CFAP46: variants seen among roughly 807,000 people sequenced by gnomAD.
CFAP46 encodes the protein cilia- and flagella-associated protein 46.
Under a neutral mutation model 325.7 loss-of-function variants are expected in CFAP46, and 245 were observed. The observed-to-expected ratio is 0.75, with a 90% CI of 0.68 to 0.84. The LOEUF (loss-of-function observed/expected upper bound fraction) is 0.84. Ranked by LOEUF, CFAP46 falls within the 40% of genes least tolerant of loss-of-function variation. CFAP46 has a pLI of 0.00. For synonymous variants in CFAP46, 1,523 were observed against 1,495.9 expected (o/e 1.02, Z -0.42); for missense variants, 3,346 against 3,543.0 (o/e 0.94, Z 1.41).
chr10:132,881,366 C>A (rs377592220), intron 27 of CFAP46, among the ~76,000 whole-genome samples: 2 of 152,144 alleles, frequency 1.3e-5, no homozygotes, highest in Non-Finnish European at 2.9e-5. Flanking sequence ...GGACAGGGGT[C>A]CTGCTGTCGC....
intron 19 of CFAP46, 146 bp from the exon 20 acceptor site, chr10:132,910,214 G>A (rs573528466): frequency 5.9e-5 from 42 of 712,156 alleles, no homozygotes; most frequent in African/African-American, 2.2e-4. Flanking sequence ...GCCCACCAGC[G>A]GCTGCACCAC....
In CFAP46 at chr10:132,919,191, A is replaced by T; in HGVS notation, c.1858+124T>A. 1 of 1,032,982 alleles carries T rather than the reference A, an allele frequency of 9.7e-7. No individual in the cohort carries two copies. Among genetic ancestry groups the T allele is most frequent in the Non-Finnish European group, 1.3e-6 (1 of 746,382 alleles). 64.0% of individuals were successfully genotyped at this position (1,032,982 alleles called of 1,614,324 possible). ...ATTAGTGGGAACTGCTACCATTGTGACTTAGCAATACGCTTTCTCATGCGA... is the reference window on the plus strand; with the variant it reads ...ATTAGTGGGAACTGCTACCATTGTGTCTTAGCAATACGCTTTCTCATGCGA... On this transcript the variant is annotated intron_variant, in intron 15 of 57. Transcript: ENST00000368586. This position sits in a 1 kb window ranked among gnomAD's most constrained non-coding sequence, Gnocchi z 9.7.
rs767963798 is a variant in CFAP46, at chr10:132,885,941, G to A, written c.3323C>T (p.Ala1108Val). 1.8e-4 allele frequency: 278 copies of A among 1,550,042 alleles called. No homozygotes were observed. The highest frequency in any genetic ancestry group is 1.6e-3 in the Admixed American group (81 of 50,980). Residue 1108 changes from alanine to valine, a missense_variant, in exon 26 of 58, where the codon GCG becomes GTG. Coordinates refer to ENST00000368586, the MANE Select transcript of CFAP46 (RefSeq NM_001200049.3). ...CAGGCCGTAGAGCGCAGCACGGAGC[G>A]CCAGGTCGTCCTCAGCCCCTGGGAG... ...YFLPGAEDDL[A>V]LRAALYGLLF...
In CFAP46 at chr10:132,941,693, G is replaced by A. The variant is rs142345766; in HGVS notation, c.204C>T (p.Cys68=). 2 of 1,613,954 alleles carry A rather than the reference G, an allele frequency of 1.2e-6. No individual in the cohort carries two copies. The highest frequency in any genetic ancestry group is 2.7e-5 in the African/African-American group (2 of 74,948). Residue 68 remains cysteine, a synonymous_variant, in exon 3 of 58, where the codon TGC becomes TGT. Coordinates refer to ENST00000368586, the MANE Select transcript of CFAP46 (RefSeq NM_001200049.3). ...KMRQPEVSED[C]IQMYFKVKAP... ...CCTTCACCTTGAAGTACATTTGGAT[G>A]CAGTCCTCGCTCACCTCTGGCTGCC...
intron 28 of CFAP46, among the ~76,000 whole-genome samples, chr10:132,880,564 C>T (rs990570827): frequency 6.6e-6 from 1 of 152,260 alleles, no homozygotes; most frequent in African/African-American, 2.4e-5. Context: ...GAGAACATGC[C>T]TTCCGCCTGA....
chr10:132,917,783 G>A (rs1210863174), intron 16 of CFAP46, among the ~76,000 whole-genome samples: 1 of 152,164 alleles, frequency 6.6e-6, no homozygotes, highest in African/African-American at 2.4e-5. Context: ...TGGGTTAACA[G>A]GCCACGTGGA....
intron 5 of CFAP46, 115 bp from the exon 6 acceptor site, chr10:132,937,790 C>G (rs1850032298): frequency 1.4e-6 from 2 of 1,399,034 alleles, no homozygotes; most frequent in African/African-American, 1.4e-5. Flanking sequence ...AAAAGCTACC[C>G]TGGGGTCAGC....
chr10:132,933,460 G>A (rs532250632), intron 8 of CFAP46, among the ~76,000 whole-genome samples: 6 of 152,376 alleles, frequency 3.9e-5, no homozygotes, highest in East Asian at 1.9e-4. Flanking sequence ...CCACGGCCAC[G>A]CTTGGCCGGA....
intron 16 of CFAP46, among the ~76,000 whole-genome samples, chr10:132,917,035 T>G (rs1227716099): frequency 1.1e-4 from 16 of 152,166 alleles, no homozygotes; most frequent in Admixed American, 1.0e-3. Context: ...TTTTAAATGT[T>G]TGAGGGGAAA....
intron 19 of CFAP46, among the ~76,000 whole-genome samples, chr10:132,910,640 C>T (rs942560974): frequency 1.3e-5 from 2 of 152,198 alleles, no homozygotes; most frequent in African/African-American, 4.8e-5. Flanking sequence ...TGTTCAGAGC[C>T]TCGCCCGGTG....
chr10:132,871,941 T>C (rs1848899828), intron 32 of CFAP46, among the ~76,000 whole-genome samples: 9 of 152,268 alleles, frequency 5.9e-5, no homozygotes, highest in Admixed American at 5.9e-4. Context: ...TTGATCCATG[T>C]GGCAAATTTT....
Position 132,845,926 on chromosome 10 carries a change from G to A in CFAP46, c.6438+131C>T, listed in dbSNP as rs41306421. The A allele has an allele frequency of 6.7e-3, 6,834 of 1,018,848 alleles. 46 individuals are homozygous for A. Among genetic ancestry groups the A allele is most frequent in the South Asian group, 9.7e-3 (596 of 61,238 alleles). 63.1% of individuals were successfully genotyped at this position (1,018,848 alleles called of 1,614,324 possible). ...CCCAGGTGCACATGGCTGGGGGCAC[G>A]GGGAGGGATGGCTCATGAGCTGGGG... On this transcript the variant is annotated intron_variant, in intron 44 of 57. Coordinates refer to ENST00000368586, the MANE Select transcript of CFAP46 (RefSeq NM_001200049.3).
rs1330053339 is a variant in CFAP46 at position 132,885,098 on chromosome 10, C to T, written c.3627+5G>A. The T allele has an allele frequency of 6.5e-7, 1 of 1,541,806 alleles. No individual in the cohort carries two copies. The highest frequency in any genetic ancestry group is 1.4e-5 in the African/African-American group (1 of 72,776). ...CCACGTGCACCCACGCTTACGGCTT[C>T]ACACCTGCAAGGCCTGGATGGCGTT... On this transcript the variant is annotated splice_donor_5th_base_variant and intron_variant, in intron 27 of 57. Coordinates refer to ENST00000368586, the MANE Select transcript of CFAP46 (RefSeq NM_001200049.3).
Position 132,850,257 on chromosome 10 carries a change from T to G in CFAP46, c.5939A>C (p.Glu1980Ala). 6.4e-7 allele frequency: 1 copy of G among 1,550,702 alleles called. No homozygotes were observed. The highest frequency in any genetic ancestry group is 8.7e-7 in the Non-Finnish European group (1 of 1,146,890). ...AGGAGCACCTACCGAGGGGCCCGCC[T>G]CCCAGTAGCAGGTAGGGTGCACAGG... ...ADPVHPTCYW[E>A]AGPSVGAKLS... The change falls in exon 41 of 58, where the codon GAG becomes GCG. Residue 1980 changes from glutamate (E) to alanine (A), a missense_variant. Physicochemically the swap from Glu to Ala is moderately radical, Grantham distance 107. Coordinates refer to ENST00000368586, the MANE Select transcript of CFAP46 (RefSeq NM_001200049.3).
intron 22 of CFAP46, 38 bp downstream of exon 22, chr10:132,908,430 G>T (rs910396301): frequency 1.6e-5 from 25 of 1,549,002 alleles, no homozygotes; most frequent in Middle Eastern, 1.7e-4. Flanking sequence ...CTCCCTGCCC[G>T]TTTTGAGGGA....
chr10:132,832,390 C>G lies in CFAP46; in HGVS notation c.7117+968G>C, dbSNP rs12258960. Among the ~76,000 whole-genome samples the G allele has an allele frequency of 5.2e-3, 552 of 105,660 alleles. 25 individuals carry two copies. Among genetic ancestry groups the G allele is most frequent in the African/African-American group, 0.021 (533 of 25,328 alleles). The allele number at this position is 105,660 out of a possible 152,430, so 69.3% of individuals were successfully genotyped here. ...GCGGAGACCCCTGGGCTCTTCCTGC[C>G]CCCCCCCCCCAATGCTGTGGCCTGG... is the stretch of plus-strand genomic sequence containing the variant. On this transcript the variant is annotated intron_variant, in intron 50 of 57. Coordinates refer to ENST00000368586, the MANE Select transcript of CFAP46 (RefSeq NM_001200049.3). This position sits in a 1 kb window ranked among gnomAD's most constrained non-coding sequence, Gnocchi z 4.1.
intron 50 of CFAP46, among the ~76,000 whole-genome samples, chr10:132,823,035 CGCTGATGTGTGCTGTGTGCTGTGAGT>C (rs1847914700): frequency 2.1e-5 from 2 of 96,002 alleles, no homozygotes; most frequent in African/African-American, 4.2e-5. Flanking sequence ...GCTGTGTGTG[CGCTGATGTGTGCTGTGTGCTGTGAGT>C]GCTGATGTGT....
At chr10:132,924,991 A>G in intron 10 of CFAP46, 105 bp from the exon 11 acceptor site, 1 of 917,060 alleles carries the variant, frequency 1.1e-6, no homozygotes. Flanking sequence ...CCCTAAATTC[A>G]TCACCCTGCG....
In CFAP46 at chr10:132,938,576, G is replaced by A. The variant is rs375251037; in HGVS notation, c.536+13C>T. 157 of 1,610,736 alleles carry A rather than the reference G, an allele frequency of 9.7e-5. No homozygotes were observed. Among genetic ancestry groups the A allele is most frequent in the Middle Eastern group, 7.1e-4 (4 of 5,600 alleles). ...ACCGGGAGGCCACAGAGGGCACGGCGAGCTCAACTCACAGCATCAGCTCAG... is the reference window on the plus strand; with the variant it reads ...ACCGGGAGGCCACAGAGGGCACGGCAAGCTCAACTCACAGCATCAGCTCAG... On this transcript the variant is annotated intron_variant, in intron 5 of 57. Transcript: ENST00000368586.
Sources: allele counts gnomAD v4.1 joint callset (sites outside exome capture counted in the v4.1 genomes callset), GRCh38; gene constraint gnomAD v4.1.1; non-coding constraint Gnocchi (gnomAD v3.1); transcripts MANE v1.5; gene names NCBI Gene and HGNC (gene_info 2026-07-23, HGNC 2026-07-21).